The following LGR6 variants were observed in gnomAD, a reference collection of about 807,000 sequenced individuals.
LGR6 encodes the protein leucine-rich repeat-containing G protein-coupled receptor 6.
A neutral mutation model predicts 69.4 loss-of-function variants in LGR6; 45 were observed. The ratio of observed to expected loss-of-function variants is 0.65; its 90% CI spans 0.51 to 0.83. The LOEUF is 0.83. LGR6 is among the 40% of genes least tolerant of loss of function. LGR6 has a pLI of 0.00. For missense variants in LGR6, 1,108 were observed against 1,246.7 expected, an observed-to-expected ratio of 0.89 and a Z score of 1.68; for synonymous variants, 538 against 555.0, an observed-to-expected ratio of 0.97 and a Z score of 0.43.
In LGR6 at chr1:202,318,236, A is replaced by G. The variant is rs765778410; in HGVS notation, c.1933A>G (p.Thr645Ala). The change falls in exon 18 of 18, where the codon ACT becomes GCT. Residue 645 changes from threonine (T) to alanine (A), a missense_variant. By Grantham distance (58) the Thr-to-Ala change is moderately conservative. Transcript: ENST00000367278. ...RWETGLGCRA[T>A]GFLAVLGSEA... ...GGAGACGGGGCTAGGCTGCCGGGCC[A>G]CTGGCTTCCTGGCAGTACTTGGGTC... 3.7e-6 allele frequency: 6 copies of G among 1,611,698 alleles called. No individual in the cohort carries two copies. In the East Asian group the frequency reaches 1.3e-4, roughly 36 times the overall value.
At position 202,297,587 on chromosome 1, in the gene LGR6, CTT is replaced by C; in HGVS notation, c.785+14_785+15del. The C allele has an allele frequency of 1.9e-6, 3 of 1,612,618 alleles. No individual in the cohort carries two copies. Among genetic ancestry groups the C allele is most frequent in the Non-Finnish European group, 1.7e-6 (2 of 1,179,140 alleles). ...CAGACTGCAGGAACTGTAAGCGCCTCTTTTGGTTTCTGTGGGTGTCCTTCTGT... is the reference window on the plus strand; with the variant it reads ...CAGACTGCAGGAACTGTAAGCGCCTCTTGGTTTCTGTGGGTGTCCTTCTGT... On this transcript the variant is annotated intron_variant, in intron 7 of 17. Transcript: ENST00000367278.
intron 4 of LGR6, among the ~76,000 whole-genome samples, chr1:202,255,180 G>A (rs959330485): frequency 2.0e-5 from 3 of 152,212 alleles, no homozygotes; most frequent in Non-Finnish European, 2.9e-5. Flanking sequence ...GGCAAGGGAG[G>A]TTCACCACAG....
chr1:202,234,048 G>A (rs1205767250), intron 3 of LGR6, among the ~76,000 whole-genome samples: 2 of 152,212 alleles, frequency 1.3e-5, no homozygotes, highest in East Asian at 1.9e-4. Context: ...GCAAAACTCT[G>A]TAACTGGAAA....
In LGR6 at chr1:202,267,237, A is replaced by T. The variant is rs1433925783; in HGVS notation, c.429-9069A>T. Among the ~76,000 whole-genome samples, 4 of 152,128 alleles carry T rather than the reference A, an allele frequency of 2.6e-5. 1 individual carries two copies. In the South Asian group the frequency reaches 8.3e-4, roughly 31 times the overall value. ...AACACCCAAGATGGAGGGATGATGG[A>T]TCTGGGGAGTCCTTAGCTTCCCAGA... On this transcript the variant is annotated intron_variant, in intron 4 of 17. Transcript: ENST00000367278.
intron 3 of LGR6, among the ~76,000 whole-genome samples, chr1:202,230,169 G>A (rs1369885100): frequency 6.6e-6 from 1 of 152,020 alleles, no homozygotes; most frequent in African/African-American, 2.4e-5. Context: ...TCTCTCCCGA[G>A]GCAAAGGATT....
chr1:202,235,659 GC>G (rs1424202413), intron 3 of LGR6, among the ~76,000 whole-genome samples: 1 of 152,062 alleles, frequency 6.6e-6, no homozygotes, highest in African/African-American at 2.4e-5. Flanking sequence ...CTTCACCCCT[GC>G]CTCCTCCTAG....
At chr1:202,305,520 T>C (rs996299215) in intron 11 of LGR6, among the ~76,000 whole-genome samples, 164 bp from the exon 12 acceptor site, 1 of 152,104 alleles carries the variant, frequency 6.6e-6, no homozygotes, top group African/African-American at 2.4e-5. Context: ...TTGAGGAGAC[T>C]GGTGCCCTGG....
At chr1:202,274,109 G>T (rs903180598) in intron 4 of LGR6, among the ~76,000 whole-genome samples, 1 of 152,132 alleles carries the variant, frequency 6.6e-6, no homozygotes, top group Non-Finnish European at 1.5e-5. Context: ...ATAGAATGGG[G>T]TGTCAAAGCA....
At chr1:202,229,065 A>T (rs941183054) in intron 3 of LGR6, among the ~76,000 whole-genome samples, 1 of 152,048 alleles carries the variant, frequency 6.6e-6, no homozygotes, top group African/African-American at 2.4e-5. Flanking sequence ...TTAAAAATGT[A>T]CTCAGAGGTG....
intron 4 of LGR6, among the ~76,000 whole-genome samples, chr1:202,248,243 T>C (rs1662923484): frequency 6.6e-6 from 1 of 152,130 alleles, no homozygotes; most frequent in African/African-American, 2.4e-5. Context: ...ACTGACTCTT[T>C]TACAGGTGAG....
At chr1:202,260,872 C>T (rs1664177465) in intron 4 of LGR6, among the ~76,000 whole-genome samples, 1 of 152,068 alleles carries the variant, frequency 6.6e-6, no homozygotes, top group Non-Finnish European at 1.5e-5. Context: ...ATGCAGTGTG[C>T]CAGGAAATTC....
intron 4 of LGR6, among the ~76,000 whole-genome samples, chr1:202,270,058 A>G (rs1664963824): frequency 6.6e-6 from 1 of 152,194 alleles, no homozygotes; most frequent in African/African-American, 2.4e-5. Flanking sequence ...GAAAGGGTCC[A>G]CTAGATTGAT....
intron 1 of LGR6, among the ~76,000 whole-genome samples, chr1:202,196,786 T>G (rs1658656891): frequency 6.6e-6 from 1 of 152,034 alleles, no homozygotes; most frequent in Admixed American, 6.6e-5. Context: ...AGAAGAAAAT[T>G]GAGCCTAGTG....
At chr1:202,238,650 C>G (rs1268886532) in intron 4 of LGR6, among the ~76,000 whole-genome samples, 1 of 151,980 alleles carries the variant, frequency 6.6e-6, no homozygotes, top group African/African-American at 2.4e-5. Context: ...GTCTCGAACT[C>G]CTGACCTCGT....
intron 6 of LGR6, among the ~76,000 whole-genome samples, chr1:202,295,327 CA>C (rs58243962): frequency 0.053 from 2,431 of 45,532 alleles, 21 homozygotes; most frequent in African/African-American, 0.13. Flanking sequence ...GACTCCATCT[CA>C]AAAAAAAAAA....
rs964619737 is a variant in LGR6, at chr1:202,197,349, A to C, written c.212+3148A>C. 7.6e-6 allele frequency: 4 copies of C among 525,786 alleles called. No individual in the cohort carries two copies. The African/African-American group carries it at 7.8e-5, about 10-fold the overall frequency. 32.6% of individuals were successfully genotyped at this position (525,786 alleles called of 1,614,324 possible). On this transcript the variant is annotated intron_variant, in intron 1 of 17. Transcript: ENST00000367278. ...AAAACTATTACCACTTTTGGGCTCA[A>C]TGCCAGCCCTGTTTGATCAAGGTTG... is the stretch of plus-strand genomic sequence containing the variant.
chr1:202,245,820 GCTGATGCCAGTGCAGAGCC>G (rs1352346505), intron 4 of LGR6, among the ~76,000 whole-genome samples: 1 of 152,108 alleles, frequency 6.6e-6, no homozygotes, highest in Non-Finnish European at 1.5e-5. Flanking sequence ...TTCCTGAGCA[GCTGATGCCAGTGCAGAGCC>G]CTGGCCTGAG....
intron 3 of LGR6, among the ~76,000 whole-genome samples, chr1:202,233,354 CT>C (rs1661252338): frequency 6.6e-6 from 1 of 152,082 alleles, no homozygotes; most frequent in African/African-American, 2.4e-5. Context: ...TCCTGGGCCC[CT>C]GGAGGGGTGG....
intron 4 of LGR6, among the ~76,000 whole-genome samples, chr1:202,242,864 G>C (rs1489681679): frequency 6.6e-6 from 1 of 152,206 alleles, no homozygotes; most frequent in South Asian, 2.1e-4. Flanking sequence ...TAATGCCCAA[G>C]GGCAGGCGAA....
Sources: allele counts gnomAD v4.1 joint callset (sites outside exome capture counted in the v4.1 genomes callset), GRCh38; gene constraint gnomAD v4.1.1; transcripts MANE v1.5; gene names NCBI Gene and HGNC (gene_info 2026-07-23, HGNC 2026-07-21).